Variants in TLE2 observed in about 807,000 individuals in gnomAD.
TLE2 encodes the protein transducin-like enhancer protein 2.
A neutral mutation model predicts 97.2 loss-of-function variants in TLE2; 74 were observed. The ratio of observed to expected loss-of-function variants is 0.76; its 90% CI spans 0.63 to 0.92. The LOEUF (loss-of-function observed/expected upper bound fraction) is 0.92. TLE2 is among the 40% of genes least tolerant of loss of function. The probability of loss-of-function intolerance (pLI) is 0.00; values close to 1 mark genes in which losing one functional copy is unlikely to be tolerated. For synonymous variants in TLE2, 499 were observed against 432.1 expected (o/e 1.15, Z -1.92); for missense variants, 1,038 against 1,008.7 (o/e 1.03, Z -0.39).
Position 3,008,922 on chromosome 19 carries a change from A to G in TLE2, c.1197T>C (p.His399=), listed in dbSNP as rs780548709. The stretch of plus-strand genomic sequence containing the variant: ...AGGAAGAGACGGATGACCCTCGGAG[A>G]TGGGGATGAGACTCAAATGCCATCT... The part of the protein sequence containing the change: ...SPVMAFESHP[H]LRGSSVSSSL... Residue 399 remains histidine, a synonymous_variant, in exon 14 of 20, where the codon CAT becomes CAC. Coordinates refer to ENST00000262953, the MANE Select transcript of TLE2 (RefSeq NM_003260.5). 2.6e-5 allele frequency: 42 copies of G among 1,593,576 alleles called. 1 individual carries two copies. Among genetic ancestry groups the G allele is most frequent in the Non-Finnish European group, 2.6e-5 (31 of 1,170,312 alleles).
chr19:3,017,718 C>T (rs1474616295), intron 8 of TLE2, 122 bp downstream of exon 8: 21 of 870,872 alleles, frequency 2.4e-5, no homozygotes, highest in Non-Finnish European at 3.6e-5. Flanking sequence ...TACCAAAGTG[C>T]TGGGATCAAA....
In TLE2 at chr19:3,029,034, G is replaced by T; in HGVS notation, c.-130C>A. 2 of 1,480,754 alleles carry T rather than the reference G, an allele frequency of 1.4e-6. No individual in the cohort carries two copies. The highest frequency in any genetic ancestry group is 1.4e-5 in the African/African-American group (1 of 70,758). 91.7% of individuals were successfully genotyped at this position (1,480,754 alleles called of 1,614,324 possible). On this transcript the variant is annotated 5_prime_UTR_variant, in exon 1 of 20. Transcript: ENST00000262953. ...AAGAGGGAGGAGGGAGAAGCGGCGC[G>T]GGGCAAGGGACCCTGGAGTCCCTGG...
At chr19:3,042,857 G>A (rs1262590208) in intron 1 of TLE2, among the ~76,000 whole-genome samples, 1 of 152,124 alleles carries the variant, frequency 6.6e-6, no homozygotes, top group African/African-American at 2.4e-5. Flanking sequence ...AACGGCAGTG[G>A]GGACTTGGAG....
chr19:3,035,638 C>G (rs1390704116), intron 1 of TLE2, among the ~76,000 whole-genome samples: 1 of 152,212 alleles, frequency 6.6e-6, no homozygotes, highest in East Asian at 1.9e-4. Flanking sequence ...AAATTCCTTT[C>G]TCCGCGGTGG....
At position 3,016,448 on chromosome 19, in the gene TLE2, G is replaced by T. The variant is rs1450684485; in HGVS notation, c.571-688C>A. On this transcript the variant is annotated intron_variant, in intron 8 of 19. Transcript: ENST00000262953. ...AAAAAAAAAAAAAAAAAATTAGCCG[G>T]GCATGGTGGCGGGCACTTGTAGTCC... Among the ~76,000 whole-genome samples, 12 of 145,738 alleles carry T rather than the reference G, an allele frequency of 8.2e-5. No individual in the cohort carries two copies. The South Asian group carries it at 2.4e-3, about 30-fold the overall frequency.
At chr19:3,034,126 C>A (rs1046854496), upstream of TLE2, among the ~76,000 whole-genome samples, 1 of 151,970 alleles carries the variant, frequency 6.6e-6, no homozygotes, top group African/African-American at 2.4e-5. Context: ...TCAGGGTTCC[C>A]ACACACATCC....
chr19:3,008,873 T>C lies in TLE2; in HGVS notation c.1246A>G (p.Lys416Glu), dbSNP rs759573655. ...GAGCCCCACCCTGGTACTCACGGCTTTCCCCCAGGGATGCTGGGTAGGGAG... is the reference window on the plus strand; with the variant it reads ...GAGCCCCACCCTGGTACTCACGGCTCTCCCCCAGGGATGCTGGGTAGGGAG... ...SSSLPSIPGG[K>E]PAYSFHVSAD... Residue 416 changes from lysine to glutamate, a missense_variant, in exon 14 of 20, where the codon AAG becomes GAG. Transcript: ENST00000262953. 1.3e-6 allele frequency: 2 copies of C among 1,581,318 alleles called. No homozygotes were observed. Among genetic ancestry groups the C allele is most frequent in the East Asian group, 4.7e-5 (2 of 42,836 alleles).
chr19:3,018,256 C>T (rs569489895), intron 7 of TLE2, among the ~76,000 whole-genome samples: 1 of 152,154 alleles, frequency 6.6e-6, no homozygotes, highest in South Asian at 2.1e-4. Flanking sequence ...CTCAGCCTCC[C>T]GAGTAGCTGG....
At position 3,017,829 on chromosome 19, in the gene TLE2, C is replaced by T. The variant is rs1400566681; in HGVS notation, c.570+11G>A. 1.6e-5 allele frequency: 25 copies of T among 1,610,938 alleles called. No homozygotes were observed. The highest frequency in any genetic ancestry group is 2.0e-5 in the Non-Finnish European group (24 of 1,178,594). Reference sequence around the variant, plus strand: ...GAATATAAAAAGAGTCCCAGGGTGCCACTCACTTACCCTGCTCGGGGCTCT... The same window carrying T: ...GAATATAAAAAGAGTCCCAGGGTGCTACTCACTTACCCTGCTCGGGGCTCT... On this transcript the variant is annotated intron_variant, in intron 8 of 19. Transcript: ENST00000262953.
intron 4 of TLE2, among the ~76,000 whole-genome samples, chr19:3,025,988 G>A (rs940215165): frequency 1.3e-5 from 2 of 148,296 alleles, no homozygotes; most frequent in African/African-American, 2.5e-5. Context: ...CCCAGCCACC[G>A]GGAAGTCCCA....
chr19:3,045,287 A>G (rs758997380), intron 1 of TLE2, among the ~76,000 whole-genome samples: 1 of 152,226 alleles, frequency 6.6e-6, no homozygotes, highest in Non-Finnish European at 1.5e-5. Flanking sequence ...AGCGTGTTCC[A>G]GGCAGAGGGA....
In TLE2 at chr19:3,013,735, C is replaced by T. The variant is rs1326558003; in HGVS notation, c.807G>A (p.Val269=). 7 of 1,561,612 alleles carry T rather than the reference C, an allele frequency of 4.5e-6. No individual in the cohort carries two copies. The Admixed American group carries it at 1.3e-4, about 30-fold the overall frequency. ...PICIPARRDL[V]DSPASLASSL... ...TAGAGGCCAAGGAGGCTGGACTGTCCACCAGGTCCCGACGGGCAGGAATGC... is the reference window on the plus strand; with the variant it reads ...TAGAGGCCAAGGAGGCTGGACTGTCTACCAGGTCCCGACGGGCAGGAATGC... The change falls in exon 11 of 20, where the codon GTG becomes GTA. Residue 269 remains valine, a synonymous_variant. Transcript: ENST00000262953.
chr19:3,014,483 C>G, intron 10 of TLE2, 87 bp downstream of exon 10: 1 of 1,283,054 alleles, frequency 7.8e-7, no homozygotes, highest in Non-Finnish European at 1.0e-6. Context: ...ACCAGGATCC[C>G]CACTACCTCT....
At chr19:3,027,994 C>A (rs963945676) in intron 3 of TLE2, 121 bp from the exon 4 acceptor site, 6 of 966,840 alleles carry the variant, frequency 6.2e-6, no homozygotes, top group African/African-American at 4.9e-5. Flanking sequence ...GGAAGCAGAG[C>A]CCCCCCCAGC....
chr19:3,016,768 A>T (rs1453509545), intron 8 of TLE2, among the ~76,000 whole-genome samples: 1 of 151,906 alleles, frequency 6.6e-6, no homozygotes, highest in Non-Finnish European at 1.5e-5. Context: ...ACCCGAAAAA[A>T]GCTGGAGGTT....
intron 7 of TLE2, among the ~76,000 whole-genome samples, chr19:3,018,615 ATTTAT>A (rs1224278310): frequency 6.9e-6 from 1 of 144,512 alleles, no homozygotes; most frequent in Non-Finnish European, 1.5e-5. Flanking sequence ...TTATTTATTT[ATTTAT>A]TTTAATTTTT....
chr19:3,021,064 G>A (rs1041853406), intron 5 of TLE2, among the ~76,000 whole-genome samples: 1 of 136,234 alleles, frequency 7.3e-6, no homozygotes, highest in African/African-American at 2.8e-5. Flanking sequence ...ACTCCAGCCT[G>A]GGAGACAGAG....
chr19:3,008,988 A>C (rs1249129014), intron 13 of TLE2, 43 bp from the exon 14 acceptor site: 2 of 1,497,858 alleles, frequency 1.3e-6, no homozygotes, highest in African/African-American at 2.8e-5. Flanking sequence ...AGGTGACTCC[A>C]ACCCACCTCT....
At chr19:3,011,326 G>C (rs551821544) in intron 11 of TLE2, among the ~76,000 whole-genome samples, 166 bp from the exon 12 acceptor site, 6 of 152,030 alleles carry the variant, frequency 3.9e-5, no homozygotes, top group African/African-American at 9.6e-5. Context: ...TCAGGAGTTC[G>C]AGACCAGCCT....
Sources: allele counts gnomAD v4.1 joint callset (sites outside exome capture counted in the v4.1 genomes callset), GRCh38; gene constraint gnomAD v4.1.1; transcripts MANE v1.5; gene names NCBI Gene and HGNC (gene_info 2026-07-23, HGNC 2026-07-21).